Variants in CLIC2 observed in about 807,000 individuals in gnomAD.
CLIC2 encodes the protein chloride intracellular channel protein 2.
Under a neutral mutation model 14.8 loss-of-function variants are expected in CLIC2, and 9 were observed. The observed-to-expected ratio is 0.61, with a 90% CI of 0.37 to 1.06. The LOEUF (loss-of-function observed/expected upper bound fraction) is 1.06, where lower values mean the gene tolerates loss of function less well. Ranked by LOEUF, CLIC2 falls within the 50% of genes least tolerant of loss-of-function variation. The pLI, the probability that CLIC2 is intolerant of heterozygous loss-of-function variation, is 0.01. For synonymous variants in CLIC2, 61 were observed against 66.3 expected, an observed-to-expected ratio of 0.92 and a Z score of 0.39; for missense variants, 148 against 181.4, an observed-to-expected ratio of 0.82 and a Z score of 1.06.
Position 155,276,951 on chromosome X carries a change from T to A in CLIC2, c.*952A>T, listed in dbSNP as rs781806541. 1.8e-5 allele frequency: 2 copies of A among 112,344 alleles called. No individual in the cohort carries two copies. Among genetic ancestry groups the A allele is most frequent in the South Asian group, 7.3e-4 (2 of 2,744 alleles). The allele number at this position is 112,344 out of a possible 1,213,427, so 9.3% of individuals were successfully genotyped here. On this transcript the variant is annotated 3_prime_UTR_variant, in exon 6 of 6. Coordinates refer to ENST00000369449, the MANE Select transcript of CLIC2 (RefSeq NM_001289.6). ...ACCCTTCCACCAAAGCCTAAAATAT[T>A]TTCCTTTTTTGAAGCTGCACTTATG...
intron 1 of CLIC2, among the ~76,000 whole-genome samples, chrX:155,333,032 G>A (rs1297464427): frequency 1.8e-5 from 2 of 112,124 alleles, no homozygotes; most frequent in Non-Finnish European, 3.8e-5. Context: ...TCTTATGCCC[G>A]ATAGTTTAGC....
Position 155,279,281 on chromosome X carries a change from T to TA in CLIC2, c.449dup (p.Leu150PhefsTer8). On this transcript the variant is annotated frameshift_variant, in exon 5 of 6. Transcript: ENST00000369449. LOFTEE classifies it high-confidence loss of function. ...CAATTTCATCCAGAAGTGGGGTGTT[T>TA]AAGTAGTCATCCAGACGCTTGAATT... is the stretch of plus-strand genomic sequence containing the variant. 5 of 1,210,344 alleles carry TA rather than the reference T, an allele frequency of 4.1e-6. No homozygotes were observed. Among genetic ancestry groups the TA allele is most frequent in the Non-Finnish European group, 5.6e-6 (5 of 893,972 alleles).
At chrX:155,292,420 C>T in intron 3 of CLIC2, 2 of 560,687 alleles carry the variant, frequency 3.6e-6, no homozygotes, top group Non-Finnish European at 6.5e-6. Context: ...CAACGAATTA[C>T]AGACCATTAC....
intron 1 of CLIC2, among the ~76,000 whole-genome samples, chrX:155,320,010 A>T (rs1390562530): frequency 2.7e-5 from 3 of 112,413 alleles, no homozygotes; most frequent in Non-Finnish European, 5.6e-5. Context: ...GCCTCTCTAG[A>T]TTCCTCCCTC....
At chrX:155,283,856 T>C (rs1188082864) in intron 3 of CLIC2, among the ~76,000 whole-genome samples, 1 of 112,288 alleles carries the variant, frequency 8.9e-6, no homozygotes, top group African/African-American at 3.2e-5. Context: ...GTAAAGCCTA[T>C]ATTTTTTTGG....
At chrX:155,320,197 C>T (rs2075109336) in intron 1 of CLIC2, among the ~76,000 whole-genome samples, 1 of 112,459 alleles carries the variant, frequency 8.9e-6, no homozygotes, top group Admixed American at 9.4e-5. Flanking sequence ...CAGCATGGTG[C>T]TCAAGCTCTG....
Position 155,304,101 on chromosome X carries a change from G to T in CLIC2, c.58-4956C>A, listed in dbSNP as rs1358498870. Among the ~76,000 whole-genome samples the T allele has an allele frequency of 5.6e-5, 6 of 107,145 alleles. 1 individual carries two copies. In the East Asian group the frequency reaches 1.5e-3, roughly 27 times the overall value. The allele number at this position is 107,145 out of a possible 115,157, so 93.0% of individuals were successfully genotyped here. A position where few individuals can be genotyped will look rare whatever the true frequency, so the allele number is the denominator to read the frequency against. The stretch of plus-strand genomic sequence containing the variant: ...GAGGAGTATCTTTGTGGCGTTCTCT[G>T]TATTTCCTGAATCTGAACGTTGGCC... On this transcript the variant is annotated intron_variant, in intron 1 of 5. Transcript: ENST00000369449.
chrX:155,304,757 T>A (rs782000160), intron 1 of CLIC2, among the ~76,000 whole-genome samples: 1 of 83,864 alleles, frequency 1.2e-5, no homozygotes, highest in Non-Finnish European at 2.6e-5. Flanking sequence ...GATGGGTTTT[T>A]GGTGTGGATG....
intron 3 of CLIC2, among the ~76,000 whole-genome samples, chrX:155,296,682 G>C (rs2074993317): frequency 9.0e-6 from 1 of 110,644 alleles, no homozygotes; most frequent in South Asian, 3.7e-4. Context: ...TGGGCAAAGG[G>C]CATGGCCAAA....
chrX:155,307,482 G>A (rs2075059812), intron 1 of CLIC2, among the ~76,000 whole-genome samples: 1 of 111,576 alleles, frequency 9.0e-6, no homozygotes, highest in African/African-American at 3.3e-5. Flanking sequence ...AAAATAAAAT[G>A]TCCTGCTTTT....
intron 1 of CLIC2, among the ~76,000 whole-genome samples, chrX:155,304,856 G>A (rs2075042782): frequency 2.2e-5 from 2 of 91,324 alleles, no homozygotes; most frequent in African/African-American, 3.7e-5. Context: ...GTGTCAGTGT[G>A]CCCCTGCTGG....
intron 3 of CLIC2, among the ~76,000 whole-genome samples, chrX:155,282,557 C>T (rs1427027832): frequency 1.8e-5 from 2 of 111,149 alleles, no homozygotes; most frequent in Admixed American, 1.9e-4. Context: ...GCCCCAATGT[C>T]CAGGCCATCC....
intron 1 of CLIC2, among the ~76,000 whole-genome samples, chrX:155,322,352 A>G (rs1471857741): frequency 2.7e-5 from 3 of 111,973 alleles, no homozygotes; most frequent in African/African-American, 9.7e-5. Context: ...ATCATGACAA[A>G]CAGTCTCTCA....
In CLIC2 at chrX:155,313,211, A is replaced by C. The variant is rs782807100; in HGVS notation, c.58-14066T>G. 7.2e-3 allele frequency among the ~76,000 whole-genome samples: 789 copies of C among 109,214 alleles called. 8 individuals are homozygous for C. The highest frequency in any genetic ancestry group is 0.024 in the African/African-American group (719 of 29,986). The allele number at this position is 109,214 out of a possible 115,157, so 94.8% of individuals were successfully genotyped here. ...TATAAATAAGGCAAAAAAAAAAAAA[A>C]AAAACAAAACTACTGTCAAAGTTGC... On this transcript the variant is annotated intron_variant, in intron 1 of 5. Transcript: ENST00000369449.
At chrX:155,307,400 G>A (rs2075059548) in intron 1 of CLIC2, among the ~76,000 whole-genome samples, 1 of 111,430 alleles carries the variant, frequency 9.0e-6, no homozygotes, top group African/African-American at 3.3e-5. Flanking sequence ...ATAAAGAACT[G>A]AAAGAAGGTC....
chrX:155,308,154 T>TA (rs200531586), intron 1 of CLIC2, among the ~76,000 whole-genome samples: 1 of 107,404 alleles, frequency 9.3e-6, no homozygotes, highest in Admixed American at 1.0e-4. Context: ...TTGAGGAAAC[T>TA]AAAAAAAAAT....
At chrX:155,286,795 T>C (rs2074944656) in intron 3 of CLIC2, among the ~76,000 whole-genome samples, 2 of 112,557 alleles carry the variant, frequency 1.8e-5, no homozygotes, top group African/African-American at 6.4e-5. Flanking sequence ...TCTGTTCATG[T>C]CCTTTGCCCA....
intron 1 of CLIC2, among the ~76,000 whole-genome samples, chrX:155,331,167 A>G (rs2075155433): frequency 9.0e-6 from 1 of 110,873 alleles, no homozygotes; most frequent in South Asian, 3.8e-4. Context: ...AGTGAGTGGA[A>G]ACATGATTAA....
chrX:155,288,518 G>A (rs1437093495), intron 3 of CLIC2, among the ~76,000 whole-genome samples: 28 of 111,737 alleles, frequency 2.5e-4, no homozygotes, highest in Non-Finnish European at 3.2e-4. Flanking sequence ...CTTCATGACA[G>A]GTAGTCTTCC....
Sources: gnomAD v4.1 joint callset for allele counts (sites outside exome capture counted in the v4.1 genomes callset) on GRCh38, gnomAD v4.1.1 for gene constraint, MANE v1.5 for transcripts, NCBI Gene and HGNC (gene_info 2026-07-23, HGNC 2026-07-21) for gene names.